The following ELOVL6 variants were observed in gnomAD, a reference collection of about 807,000 sequenced individuals.
The protein encoded by ELOVL6 is very long chain fatty acid elongase 6.
A neutral mutation model predicts 31.7 loss-of-function variants in ELOVL6; 8 were observed. That is an observed-to-expected ratio of 0.25 (90% CI 0.15 to 0.45). The LOEUF is 0.45. Among genes scored for constraint, ELOVL6 ranks in the 20% least tolerant of loss-of-function variants. The pLI, the probability that ELOVL6 is intolerant of heterozygous loss-of-function variation, is 1.00. For missense variants in ELOVL6, 126 were observed against 326.4 expected (o/e 0.39, Z 4.73); for synonymous variants, 101 against 117.7 (o/e 0.86, Z 0.92).
chr4:110,098,956 A>G lies in ELOVL6; in HGVS notation c.221+6541T>C, dbSNP rs139506341. On this transcript the variant is annotated intron_variant, in intron 2 of 3. Coordinates refer to ENST00000302274, the MANE Select transcript of ELOVL6 (RefSeq NM_024090.3). ...CAATTTTGGCAACCATAGGAAAAAA[A>G]CTAAGACACTTATGACGGTCTTATG... 7.6e-4 allele frequency among the ~76,000 whole-genome samples: 116 copies of G among 152,274 alleles called. 1 individual carries two copies. The South Asian group carries it at 0.023, about 30-fold the overall frequency.
At chr4:110,171,456 A>G (rs902462488) in intron 1 of ELOVL6, among the ~76,000 whole-genome samples, 1 of 151,280 alleles carries the variant, frequency 6.6e-6, no homozygotes, top group Non-Finnish European at 1.5e-5. Context: ...ATAGTATTAG[A>G]TCATACCTTT....
In ELOVL6 at chr4:110,051,076, A is replaced by C; in HGVS notation, c.*262T>G. The stretch of plus-strand genomic sequence containing the variant: ...GCTTGCTTTTGTTCTCCCTTGTCCT[A>C]GAGTTGATAGATAAAGAGGGAATGG... On this transcript the variant is annotated 3_prime_UTR_variant, in exon 4 of 4. Transcript: ENST00000302274. This position sits in a 1 kb window ranked among gnomAD's most constrained non-coding sequence, Gnocchi z 4.8. The C allele has an allele frequency of 2.2e-6, 1 of 461,998 alleles. No homozygotes were observed. Among genetic ancestry groups the C allele is most frequent in the South Asian group, 2.5e-5 (1 of 39,336 alleles). 28.6% of individuals were successfully genotyped at this position (461,998 alleles called of 1,614,324 possible). A position where few individuals can be genotyped will look rare whatever the true frequency, so the allele number is the denominator to read the frequency against.
chr4:110,067,691 T>C lies in ELOVL6; in HGVS notation c.222-7937A>G, dbSNP rs182993913. Among the ~76,000 whole-genome samples the C allele has an allele frequency of 1.2e-4, 19 of 152,300 alleles. No individual in the cohort carries two copies. In the East Asian group the frequency reaches 3.5e-3, roughly 28 times the overall value. ...GTGCTGACATAAAAGAACATCAAGA[T>C]GCACGATTAAGTGAAAAACATAAGG... On this transcript the variant is annotated intron_variant, in intron 2 of 3. Transcript: ENST00000302274.
chr4:110,146,993 G>GA (rs146310263), intron 1 of ELOVL6: 68 of 146,972 alleles, frequency 4.6e-4, no homozygotes, highest in South Asian at 2.3e-3. Context: ...CTGTCTCAAA[G>GA]AAAAAAAAAA....
intron 1 of ELOVL6, among the ~76,000 whole-genome samples, chr4:110,133,277 C>T (rs1435118127): frequency 6.6e-6 from 1 of 152,114 alleles, no homozygotes; most frequent in African/African-American, 2.4e-5. Flanking sequence ...ACAATCAGGG[C>T]CTAATGAGTC....
At chr4:110,118,728 C>T (rs965273631) in intron 1 of ELOVL6, among the ~76,000 whole-genome samples, 10 of 152,066 alleles carry the variant, frequency 6.6e-5, no homozygotes, top group African/African-American at 1.4e-4. Context: ...ATTCAAAGTC[C>T]GAAAATTTGA....
At chr4:110,066,480 CA>C (rs1409714559) in intron 2 of ELOVL6, among the ~76,000 whole-genome samples, 2 of 149,724 alleles carry the variant, frequency 1.3e-5, no homozygotes, top group African/African-American at 4.9e-5. Flanking sequence ...ACTAAAAATA[CA>C]AAAAAAAATT....
At chr4:110,097,305 CAAAAAA>C (rs33970271) in intron 2 of ELOVL6, among the ~76,000 whole-genome samples, 1 of 88,684 alleles carries the variant, frequency 1.1e-5, no homozygotes, top group Non-Finnish European at 2.3e-5. Context: ...ACTCCATCTC[CAAAAAA>C]AAAAAAAAAA....
At position 110,080,112 on chromosome 4, in the gene ELOVL6, CA is replaced by C. The variant is rs1755787001; in HGVS notation, c.222-20359del. Among the ~76,000 whole-genome samples the C allele has an allele frequency of 4.6e-5, 4 of 86,220 alleles. No individual in the cohort carries two copies. In the South Asian group the frequency reaches 1.6e-3, roughly 35 times the overall value. The allele number at this position is 86,220 out of a possible 152,430, so 56.6% of individuals were successfully genotyped here. A position where few individuals can be genotyped will look rare whatever the true frequency, so the allele number is the denominator to read the frequency against. ...AGGCAATAATTAATAGCTTACCAAC[CA>C]AAAAAAGTCCAGGACCAGATGGATT... On this transcript the variant is annotated intron_variant, in intron 2 of 3. Coordinates refer to ENST00000302274, the MANE Select transcript of ELOVL6 (RefSeq NM_024090.3).
At chr4:110,187,817 A>G (rs1221395650) in intron 1 of ELOVL6, among the ~76,000 whole-genome samples, 1 of 152,194 alleles carries the variant, frequency 6.6e-6, no homozygotes, top group East Asian at 1.9e-4. Flanking sequence ...GGCATACTAA[A>G]AAACCTGGAA....
intron 1 of ELOVL6, among the ~76,000 whole-genome samples, chr4:110,176,151 CTTAT>C (rs35100521): frequency 1.5e-4 from 23 of 149,436 alleles, no homozygotes; most frequent in South Asian, 1.1e-3. Flanking sequence ...ATGTTTCTAC[CTTAT>C]TTATTTATTT....
intron 1 of ELOVL6, among the ~76,000 whole-genome samples, chr4:110,171,560 T>G (rs1404890199): frequency 6.6e-6 from 1 of 151,940 alleles, no homozygotes; most frequent in Non-Finnish European, 1.5e-5. Context: ...AATTTCCAGA[T>G]AGCTGAGCAC....
intron 1 of ELOVL6, among the ~76,000 whole-genome samples, chr4:110,150,683 T>C (rs1051790851): frequency 2.0e-5 from 3 of 152,198 alleles, no homozygotes; most frequent in African/African-American, 7.2e-5. Flanking sequence ...CATTGTATGA[T>C]CCTTTCATTT....
chr4:110,119,419 C>G (rs1291651093), intron 1 of ELOVL6, among the ~76,000 whole-genome samples: 1 of 152,232 alleles, frequency 6.6e-6, no homozygotes, highest in African/African-American at 2.4e-5. Flanking sequence ...ATTAGCTACT[C>G]ACAGGCCTTT....
chr4:110,093,856 T>C (rs1294319556), intron 2 of ELOVL6, among the ~76,000 whole-genome samples: 1 of 151,964 alleles, frequency 6.6e-6, no homozygotes, highest in Non-Finnish European at 1.5e-5. Context: ...ATTACAAGCA[T>C]GGATGGGAAT....
intron 1 of ELOVL6, among the ~76,000 whole-genome samples, chr4:110,183,205 C>G (rs1291391863): frequency 6.6e-6 from 1 of 152,132 alleles, no homozygotes; most frequent in Non-Finnish European, 1.5e-5. Context: ...TACCTAAGAA[C>G]CTTATGTAGA....
At chr4:110,084,012 G>GTTATATATCA (rs1560813514) in intron 2 of ELOVL6, among the ~76,000 whole-genome samples, 2 of 10,870 alleles carry the variant, frequency 1.8e-4, no homozygotes, top group East Asian at 5.1e-3. Context: ...GCCATATATG[G>GTTATATATCA]TATATAACAT....
Position 110,198,582 on chromosome 4 carries a change from C to A in ELOVL6, c.-247G>T. ...CTCCTCCTCCCGGCGTCCGCATCCA[C>A]CGTAGGAGGAAATGAATGCCTTGCG... On this transcript the variant is annotated 5_prime_UTR_variant, in exon 1 of 4. Coordinates refer to ENST00000302274, the MANE Select transcript of ELOVL6 (RefSeq NM_024090.3). The A allele has an allele frequency of 1.3e-5, 6 of 459,774 alleles. No individual in the cohort carries two copies. Among genetic ancestry groups the A allele is most frequent in the Non-Finnish European group, 1.9e-5 (5 of 259,606 alleles). 28.5% of individuals were successfully genotyped at this position (459,774 alleles called of 1,614,324 possible). A position where few individuals can be genotyped will look rare whatever the true frequency, so the allele number is the denominator to read the frequency against.
chr4:110,122,337 GGAATTTT>G (rs1403949067), intron 1 of ELOVL6, among the ~76,000 whole-genome samples: 6 of 152,284 alleles, frequency 3.9e-5, no homozygotes, highest in Admixed American at 1.3e-4. Context: ...ACAGACTGTA[GGAATTTT>G]AACAGATTTG....
Sources: allele counts gnomAD v4.1 joint callset (sites outside exome capture counted in the v4.1 genomes callset), GRCh38; gene constraint gnomAD v4.1.1; non-coding constraint Gnocchi (gnomAD v3.1); transcripts MANE v1.5; gene names NCBI Gene and HGNC (gene_info 2026-07-23, HGNC 2026-07-21).